Variants in PAOX observed in about 807,000 individuals in gnomAD.
PAOX encodes peroxisomal N(1)-acetyl-spermine/spermidine oxidase.
Under a neutral mutation model 39.0 loss-of-function variants are expected in PAOX, and 38 were observed. The ratio of observed to expected loss-of-function variants is 0.97; its 90% CI spans 0.75 to 1.28. The LOEUF (loss-of-function observed/expected upper bound fraction) is 1.28. Ranked by LOEUF, PAOX falls within the 50% of genes most tolerant of loss-of-function variation. The pLI is 0.00. For synonymous variants in PAOX, 311 were observed against 314.4 expected (o/e 0.99, Z 0.11); for missense variants, 667 against 685.7 (o/e 0.97, Z 0.30).
chr10:133,390,447 A>C (rs1405605840), intron 6 of PAOX, among the ~76,000 whole-genome samples: 1 of 140,314 alleles, frequency 7.1e-6, no homozygotes, highest in African/African-American at 2.7e-5. Flanking sequence ...CACACACACA[A>C]GTAGCCAGGC....
At chr10:133,380,952 T>G (rs1849351153) in intron 2 of PAOX, among the ~76,000 whole-genome samples, 1 of 152,240 alleles carries the variant, frequency 6.6e-6, no homozygotes, top group African/African-American at 2.4e-5. Context: ...CACTCCAACC[T>G]GGGCGACAGA....
chr10:133,381,689 T>A, intron 3 of PAOX, 30 bp downstream of exon 3: 1 of 1,599,980 alleles, frequency 6.3e-7, no homozygotes, highest in South Asian at 1.1e-5. Context: ...CAAACCCCCA[T>A]CCCAAGTGCC....
In PAOX at chr10:133,391,387, T is replaced by G. The variant is rs1564815834; in HGVS notation, c.1468T>G (p.Trp490Gly). ...STTHGALLSG[W>G]READRLLSLW... The stretch of plus-strand genomic sequence containing the variant: ...GACGCACGGGGCTCTGCTGTCGGGA[T>G]GGAGGGAGGCCGACCGCCTCCTCAG... Residue 490 changes from tryptophan to glycine, a missense_variant, in exon 7 of 7, where the codon TGG becomes GGG. Trp to Gly is a radical substitution (Grantham distance 184, BLOSUM62 -2). Transcript: ENST00000278060. 1 of 1,613,356 alleles carries G rather than the reference T, an allele frequency of 6.2e-7. No individual in the cohort carries two copies.
chr10:133,389,768 G>A (rs763774040), intron 6 of PAOX, 21 bp downstream of exon 6: 6 of 1,453,216 alleles, frequency 4.1e-6, no homozygotes, highest in African/African-American at 1.5e-5. Context: ...TGCCCCAGTC[G>A]GGGGGCGTGG....
intron 4 of PAOX, among the ~76,000 whole-genome samples, chr10:133,385,233 T>C (rs1849499599): frequency 6.6e-6 from 1 of 151,738 alleles, no homozygotes; most frequent in South Asian, 2.1e-4. Flanking sequence ...GAGGCAGAGG[T>C]TGCAGTGAGC....
In PAOX at chr10:133,384,213, G is replaced by C; in HGVS notation, c.1121+1G>C. ...GCTTTGTGGTCCTGCCTGCCTTTGC[G>C]TACGTTTGCTCCCTGAGAAGTTCTG... On this transcript the variant is annotated splice_donor_variant, in intron 4 of 6. Transcript: ENST00000278060. LOFTEE classifies it high-confidence loss of function. This position sits in a 1 kb window ranked among gnomAD's most constrained non-coding sequence, Gnocchi z 4.3. The C allele has an allele frequency of 6.2e-7, 1 of 1,612,750 alleles. No homozygotes were observed.
At chr10:133,381,704 C>T (rs1236204490) in intron 3 of PAOX, 45 bp downstream of exon 3, 2 of 1,596,836 alleles carry the variant, frequency 1.3e-6, no homozygotes, top group South Asian at 1.1e-5. Flanking sequence ...AGTGCCCCCG[C>T]CTCTGCCCTT....
Position 133,380,481 on chromosome 10 carries a change from T to TCTAA in PAOX, c.665_668dup (p.Lys223AsnfsTer2), listed in dbSNP as rs1849335773. ...GCTGCCGGGGCTGGACTGCACCTTTTCTAAGTGCGTGCCTGAGCCCCTGCC... is the reference window on the plus strand; with the variant it reads ...GCTGCCGGGGCTGGACTGCACCTTTTCTAACTAAGTGCGTGCCTGAGCCCCTGCC... On this transcript the variant is annotated frameshift_variant, in exon 2 of 7. Coordinates refer to ENST00000278060, the MANE Select transcript of PAOX (RefSeq NM_152911.4). LOFTEE classifies it high-confidence loss of function. 1.2e-6 allele frequency: 2 copies of TCTAA among 1,602,742 alleles called. No individual in the cohort carries two copies. Among genetic ancestry groups the TCTAA allele is most frequent in the East Asian group, 4.5e-5 (2 of 44,776 alleles).
chr10:133,386,649 T>C, intron 4 of PAOX, among the ~76,000 whole-genome samples: 1 of 151,266 alleles, frequency 6.6e-6, no homozygotes, highest in East Asian at 2.0e-4. Flanking sequence ...TAATTTAGTA[T>C]TTTTAGCAGA....
chr10:133,390,273 C>T (rs1849640054), intron 6 of PAOX, among the ~76,000 whole-genome samples: 1 of 144,538 alleles, frequency 6.9e-6, no homozygotes, highest in South Asian at 2.3e-4. Context: ...ATAAAGACAT[C>T]CTTGTAAAAT....
intron 3 of PAOX, among the ~76,000 whole-genome samples, chr10:133,383,366 G>A (rs1849446397): frequency 6.6e-6 from 1 of 152,046 alleles, no homozygotes; most frequent in African/African-American, 2.4e-5. Context: ...ACTTCGGGAG[G>A]CTGAGGCAGG....
chr10:133,380,163 G>C lies in PAOX; in HGVS notation c.346G>C (p.Ala116Pro). 6.2e-7 allele frequency: 1 copy of C among 1,608,722 alleles called. No individual in the cohort carries two copies. The highest frequency in any genetic ancestry group is 1.1e-5 in the South Asian group (1 of 90,754). The stretch of plus-strand genomic sequence containing the variant: ...CGTGGGCCTGCCCTCCGTGAGCTAC[G>C]CCAGCTCCGGGGCCAGCGTGAGCCT... ...GHVGLPSVSY[A>P]SSGASVSLQL... The change falls in exon 2 of 7, where the codon GCC (alanine) becomes CCC (proline). Residue 116 changes from alanine (A) to proline (P), a missense_variant. Physicochemically the swap from Ala to Pro is conservative, Grantham distance 27 (BLOSUM62 -1). Coordinates refer to ENST00000278060, the MANE Select transcript of PAOX (RefSeq NM_152911.4).
At position 133,384,261 on chromosome 10, in the gene PAOX, T is replaced by G; in HGVS notation, c.1121+49T>G. On this transcript the variant is annotated intron_variant, in intron 4 of 6. Transcript: ENST00000278060. This position sits in a 1 kb window ranked among gnomAD's most constrained non-coding sequence, Gnocchi z 4.3. ...CTGCGAGTGGCTGGCTCATAGGCCTTCATCTGATGGAGGACGCAGCAGTGT... is the reference window on the plus strand; with the variant it reads ...CTGCGAGTGGCTGGCTCATAGGCCTGCATCTGATGGAGGACGCAGCAGTGT... 1 of 1,597,432 alleles carries G rather than the reference T, an allele frequency of 6.3e-7. No individual in the cohort carries two copies. Among genetic ancestry groups the G allele is most frequent in the Non-Finnish European group, 8.5e-7 (1 of 1,170,298 alleles).
Position 133,384,363 on chromosome 10 carries a change from T to A in PAOX, c.1121+151T>A. 3 of 1,243,530 alleles carry A rather than the reference T, an allele frequency of 2.4e-6. No individual in the cohort carries two copies. Among genetic ancestry groups the A allele is most frequent in the Non-Finnish European group, 3.3e-6 (3 of 899,256 alleles). The allele number at this position is 1,243,530 out of a possible 1,614,324, so 77.0% of individuals were successfully genotyped here. A position where few individuals can be genotyped will look rare whatever the true frequency, so the allele number is the denominator to read the frequency against. Reference sequence around the variant, plus strand: ...GAGCGCCCCCCCACCAGGTGCTGGCTGCACCTGGGCCTGACCCCTGCGGGG... The same window carrying A: ...GAGCGCCCCCCCACCAGGTGCTGGCAGCACCTGGGCCTGACCCCTGCGGGG... On this transcript the variant is annotated intron_variant, in intron 4 of 6. Coordinates refer to ENST00000278060, the MANE Select transcript of PAOX (RefSeq NM_152911.4). This position sits in a 1 kb window ranked among gnomAD's most constrained non-coding sequence, Gnocchi z 4.3.
rs1159404200 is a variant in PAOX at position 133,380,054 on chromosome 10, C to T, written c.237C>T (p.Pro79=). 6.6e-7 allele frequency: 1 copy of T among 1,526,228 alleles called. No individual in the cohort carries two copies. The highest frequency in any genetic ancestry group is 1.3e-5 in the South Asian group (1 of 76,796). The allele number at this position is 1,526,228 out of a possible 1,614,324, so 94.5% of individuals were successfully genotyped here. A position where few individuals can be genotyped will look rare whatever the true frequency, so the allele number is the denominator to read the frequency against. Residue 79 remains proline, a synonymous_variant, in exon 2 of 7, where the codon CCC becomes CCT. Transcript: ENST00000278060. ...TCCATGGGCCCTCCCGGGGTAACCC[C>T]GTCTTCCAGCTGGCTGCTGAGTACG... ...HWIHGPSRGN[P]VFQLAAEYGL...
intron 1 of PAOX, 130 bp downstream of exon 1, chr10:133,379,627 G>A: frequency 2.5e-6 from 2 of 788,758 alleles, no homozygotes; most frequent in Non-Finnish European, 3.4e-6. Context: ...ATCCCCGCTC[G>A]CTTAATCCGC....
chr10:133,390,445 C>CACA (rs1491047538), intron 6 of PAOX, among the ~76,000 whole-genome samples: 1 of 137,916 alleles, frequency 7.3e-6, no homozygotes, highest in African/African-American at 2.6e-5. Flanking sequence ...CACACACACA[C>CACA]AAGTAGCCAG....
chr10:133,384,913 A>G lies in PAOX; in HGVS notation c.1121+701A>G, dbSNP rs545888414. On this transcript the variant is annotated intron_variant, in intron 4 of 6. Coordinates refer to ENST00000278060, the MANE Select transcript of PAOX (RefSeq NM_152911.4). The surrounding 1 kb of genome is among the most constrained non-coding windows in gnomAD (Gnocchi z 4.3). ...GCCTGCCAGATGGTTCATAGTTGCC[A>G]TCCACTGGGAGCAGGAGGCTGCAGG... 1.3e-5 allele frequency among the ~76,000 whole-genome samples: 2 copies of G among 152,322 alleles called. No homozygotes were observed. Among genetic ancestry groups the G allele is most frequent in the South Asian group, 2.1e-4 (1 of 4,828 alleles).
At position 133,389,644 on chromosome 10, in the gene PAOX, C is replaced by A; in HGVS notation, c.1289C>A (p.Ala430Asp). The change falls in exon 6 of 7, where the codon GCC becomes GAC. Residue 430 changes from alanine to aspartate, a missense_variant. Physicochemically the swap from Ala to Asp is moderately radical, Grantham distance 126. Transcript: ENST00000278060. Reference sequence around the variant, plus strand: ...GTCCTGCGGTCTCGCTGGCACAGCGCCCCGTACACTAGGGGGTCCTACAGC... The same window carrying A: ...GTCCTGCGGTCTCGCTGGCACAGCGACCCGTACACTAGGGGGTCCTACAGC... ...KSVLRSRWHS[A>D]PYTRGSYSYV... 1 of 1,613,516 alleles carries A rather than the reference C, an allele frequency of 6.2e-7. No homozygotes were observed. Among genetic ancestry groups the A allele is most frequent in the South Asian group, 1.1e-5 (1 of 91,090 alleles).
Sources: allele counts gnomAD v4.1 joint callset (sites outside exome capture counted in the v4.1 genomes callset), GRCh38; gene constraint gnomAD v4.1.1; non-coding constraint Gnocchi (gnomAD v3.1); transcripts MANE v1.5; gene names NCBI Gene and HGNC (gene_info 2026-07-23, HGNC 2026-07-21).